ALDH1L1: variants seen among roughly 807,000 people sequenced by gnomAD.
The protein encoded by ALDH1L1 is aldehyde dehydrogenase 1 family member L1.
In ALDH1L1, 68 loss-of-function variants were observed where a neutral mutation model predicts 101.1. That is an observed-to-expected ratio of 0.67 (90% CI 0.55 to 0.82). The LOEUF (loss-of-function observed/expected upper bound fraction) is 0.82. Ranked by LOEUF, ALDH1L1 falls within the 40% of genes least tolerant of loss-of-function variation. The probability of loss-of-function intolerance (pLI) is 0.00; values close to 1 mark genes in which losing one functional copy is unlikely to be tolerated. For missense variants in ALDH1L1, 1,087 were observed against 1,172.7 expected (o/e 0.93, Z 1.07); for synonymous variants, 486 against 470.8 (o/e 1.03, Z -0.42).
intron 20 of ALDH1L1, among the ~76,000 whole-genome samples, chr3:126,108,367 G>A (rs1341728840): frequency 6.6e-6 from 1 of 152,184 alleles, no homozygotes; most frequent in Non-Finnish European, 1.5e-5. Context: ...CTCCAGGGCG[G>A]GGTGATGGCT....
In ALDH1L1 at chr3:126,137,914, T is replaced by G. The variant is rs2080483668; in HGVS notation, c.1123A>C (p.Asn375His). Residue 375 changes from asparagine (N) to histidine (H), a missense_variant, in exon 10 of 23, where the codon AAT becomes CAT. This residue lies in a region of ALDH1L1 where 645 missense variants were observed against 637.0 expected (regional missense o/e 1.01). Transcript: ENST00000393434. ...GTGGATGCCATGTACACATCTTCATTTTCTAACTCCAGGCCATCACACAGC... is the reference window on the plus strand; with the variant it reads ...GTGGATGCCATGTACACATCTTCATGTTCTAACTCCAGGCCATCACACAGC... ...KELCDGLELE[N>H]EDVYMASTFG... 6.2e-7 allele frequency: 1 copy of G among 1,614,118 alleles called. No individual in the cohort carries two copies.
intron 1 of ALDH1L1, among the ~76,000 whole-genome samples, chr3:126,172,540 A>G (rs567677627): frequency 1.8e-4 from 28 of 152,366 alleles, no homozygotes; most frequent in African/African-American, 6.7e-4. Flanking sequence ...TGCAAAGGGA[A>G]ATATAGAATA....
rs72967721 is a variant in ALDH1L1, at chr3:126,135,720, C to A, written c.1345-58G>T. ...CCTAAGCCAGTTGCACACAGATACCCCTGCCTGCTTCCCTGGCCTCCTCCT... is the reference window on the plus strand; with the variant it reads ...CCTAAGCCAGTTGCACACAGATACCACTGCCTGCTTCCCTGGCCTCCTCCT... On this transcript the variant is annotated intron_variant, in intron 11 of 22. Coordinates refer to ENST00000393434, the MANE Select transcript of ALDH1L1 (RefSeq NM_012190.4). 852 of 1,446,328 alleles carry A rather than the reference C, an allele frequency of 5.9e-4. 3 individuals are homozygous for A. In the African/African-American group the frequency reaches 0.012, roughly 20 times the overall value. The allele number at this position is 1,446,328 out of a possible 1,614,324, so 89.6% of individuals were successfully genotyped here. A position where few individuals can be genotyped will look rare whatever the true frequency, so the allele number is the denominator to read the frequency against.
chr3:126,125,967 A>G (rs1314766268), intron 14 of ALDH1L1, among the ~76,000 whole-genome samples: 1 of 152,134 alleles, frequency 6.6e-6, no homozygotes, highest in Admixed American at 6.5e-5. Context: ...ATACTGGACC[A>G]TTTCTGATGG....
rs2080426749 is a variant in ALDH1L1 at position 126,135,759 on chromosome 3, G to A, written c.1345-97C>T. ...TGGCCTCCTCCTGGGGCCCCAGTGA[G>A]GCGGCCCCTGTCCACATGAGCAGGT... On this transcript the variant is annotated intron_variant, in intron 11 of 22. Coordinates refer to ENST00000393434, the MANE Select transcript of ALDH1L1 (RefSeq NM_012190.4). The A allele has an allele frequency of 2.2e-6, 3 of 1,392,130 alleles. No individual in the cohort carries two copies. In the South Asian group the frequency reaches 4.7e-5, roughly 22 times the overall value. The allele number at this position is 1,392,130 out of a possible 1,614,324, so 86.2% of individuals were successfully genotyped here.
chr3:126,178,654 A>G lies in ALDH1L1; in HGVS notation c.-24+1822T>C, dbSNP rs1284094027. Among the ~76,000 whole-genome samples, 3 of 152,228 alleles carry G rather than the reference A, an allele frequency of 2.0e-5. No individual in the cohort carries two copies. In the East Asian group the frequency reaches 5.8e-4, roughly 29 times the overall value. On this transcript the variant is annotated intron_variant, in intron 1 of 22. Transcript: ENST00000393434. ...TATAAGAAGAAAACATTAAATTATT[A>G]GAAAATATTGGTAAATATTGAGTTA...
intron 1 of ALDH1L1, among the ~76,000 whole-genome samples, chr3:126,173,312 G>C (rs1344358099): frequency 6.6e-6 from 1 of 152,084 alleles, no homozygotes; most frequent in Non-Finnish European, 1.5e-5. Flanking sequence ...GGCATGGGAG[G>C]GAGGAATCAA....
chr3:126,109,154 A>G (rs541719356), intron 20 of ALDH1L1, among the ~76,000 whole-genome samples: 6 of 152,322 alleles, frequency 3.9e-5, no homozygotes, highest in East Asian at 1.9e-4. Context: ...TCCCTCCTTC[A>G]TGCCATCAAA....
rs150937564 is a variant in ALDH1L1, at chr3:126,114,034, G to A, written c.2082+523C>T. On this transcript the variant is annotated intron_variant, in intron 18 of 22. Transcript: ENST00000393434. ...GCCAGGCACTGCACCCACGGCCACC[G>A]GTAGAGGGTCACTGTCAGCAGGGCT... Among the ~76,000 whole-genome samples the A allele has an allele frequency of 2.5e-3, 375 of 152,306 alleles. 2 individuals carry two copies. The highest frequency in any genetic ancestry group is 8.3e-3 in the African/African-American group (344 of 41,554).
intron 15 of ALDH1L1, among the ~76,000 whole-genome samples, chr3:126,124,977 T>C (rs1576429242): frequency 6.6e-6 from 1 of 152,162 alleles, no homozygotes; most frequent in Non-Finnish European, 1.5e-5. Flanking sequence ...GGGCACACCA[T>C]CCCTGCCATG....
chr3:126,177,663 T>C (rs1280626440), intron 1 of ALDH1L1, among the ~76,000 whole-genome samples: 1 of 152,216 alleles, frequency 6.6e-6, no homozygotes, highest in Admixed American at 6.5e-5. Flanking sequence ...TCCAAAACCA[T>C]AGAAGGTACA....
intron 15 of ALDH1L1, among the ~76,000 whole-genome samples, chr3:126,124,892 CATT>C (rs2080150806): frequency 6.6e-6 from 1 of 152,230 alleles, no homozygotes; most frequent in African/African-American, 2.4e-5. Flanking sequence ...TGTCAGCCAT[CATT>C]ATTGTTTTTC....
intron 22 of ALDH1L1, chr3:126,104,999 G>T (rs1945813603): frequency 6.3e-6 from 1 of 159,224 alleles, no homozygotes; most frequent in Non-Finnish European, 1.4e-5. Context: ...AAGGCTTGGA[G>T]CAGCCCAGGG....
intron 3 of ALDH1L1, 84 bp downstream of exon 3, chr3:126,158,321 G>A: frequency 7.6e-7 from 1 of 1,315,370 alleles, no homozygotes; most frequent in South Asian, 1.4e-5. Flanking sequence ...CCCTAGAAAT[G>A]CTTTGGGCTA....
At chr3:126,155,589 TC>T in intron 4 of ALDH1L1, 86 bp from the exon 5 acceptor site, 1 of 1,203,466 alleles carries the variant, frequency 8.3e-7, no homozygotes, top group Non-Finnish European at 1.1e-6. Flanking sequence ...CCTGGACCCT[TC>T]CCCAGACTGA....
intron 1 of ALDH1L1, among the ~76,000 whole-genome samples, chr3:126,195,050 A>G (rs1326865484): frequency 6.6e-6 from 1 of 151,840 alleles, no homozygotes; most frequent in East Asian, 1.9e-4. Flanking sequence ...TTTCCTATAT[A>G]AAATCTCTTT....
intron 21 of ALDH1L1, 94 bp downstream of exon 21, chr3:126,107,047 A>C: frequency 8.6e-7 from 1 of 1,168,360 alleles, no homozygotes; most frequent in Non-Finnish European, 1.3e-6. Context: ...TCTCCTCCTG[A>C]CTGCCCGTAG....
intron 9 of ALDH1L1, among the ~76,000 whole-genome samples, chr3:126,140,393 G>C (rs2080543995): frequency 6.6e-6 from 1 of 152,080 alleles, no homozygotes; most frequent in Admixed American, 6.5e-5. Context: ...ACCTGCCCTA[G>C]AAGAAATGCT....
At chr3:126,149,949 A>G (rs1001182630) in intron 8 of ALDH1L1, among the ~76,000 whole-genome samples, 3 of 152,168 alleles carry the variant, frequency 2.0e-5, no homozygotes, top group Non-Finnish European at 4.4e-5. Flanking sequence ...AGTCTTAGAG[A>G]CGAAAGCTCC....
Sources: allele counts gnomAD v4.1 joint callset (sites outside exome capture counted in the v4.1 genomes callset), GRCh38; gene constraint gnomAD v4.1.1; regional missense constraint gnomAD v4.1.1; transcripts MANE v1.5; gene names NCBI Gene and HGNC (gene_info 2026-07-23, HGNC 2026-07-21).